Variants in DDX10 observed in about 807,000 individuals in gnomAD.
The protein encoded by DDX10 is DEAD-box helicase 10.
Under a neutral mutation model 104.3 loss-of-function variants are expected in DDX10, and 74 were observed. The ratio of observed to expected loss-of-function variants is 0.71; its 90% CI spans 0.59 to 0.86. The LOEUF (loss-of-function observed/expected upper bound fraction) is 0.86. DDX10 is among the 40% of genes least tolerant of loss of function. The pLI is 0.00. For missense variants in DDX10, 952 were observed against 1,040.0 expected, an observed-to-expected ratio of 0.92 and a Z score of 1.16; for synonymous variants, 351 against 353.4, an observed-to-expected ratio of 0.99 and a Z score of 0.08.
intron 13 of DDX10, among the ~76,000 whole-genome samples, chr11:108,741,936 A>G (rs1462945568): frequency 6.6e-6 from 1 of 152,172 alleles, no homozygotes; most frequent in Non-Finnish European, 1.5e-5. Flanking sequence ...GTAAAATTAG[A>G]GCAGAACTGA....
intron 2 of DDX10, among the ~76,000 whole-genome samples, chr11:108,673,990 C>T (rs984795408): frequency 2.6e-5 from 4 of 152,174 alleles, no homozygotes; most frequent in African/African-American, 7.2e-5. Flanking sequence ...TTGTGGATGG[C>T]TGCCCTCTTG....
intron 13 of DDX10, among the ~76,000 whole-genome samples, chr11:108,729,001 A>G (rs2094308681): frequency 6.6e-6 from 1 of 152,146 alleles, no homozygotes; most frequent in South Asian, 2.1e-4. Context: ...AAAGAGTTCT[A>G]CTAATTGGCA....
At chr11:108,896,509 C>T (rs932957422) in intron 16 of DDX10, among the ~76,000 whole-genome samples, 2 of 152,126 alleles carry the variant, frequency 1.3e-5, no homozygotes, top group African/African-American at 2.4e-5. Context: ...TCCTTTAGCT[C>T]AGGATGCTAA....
At chr11:108,714,019 A>T (rs1224983859) in intron 10 of DDX10, among the ~76,000 whole-genome samples, 1 of 152,186 alleles carries the variant, frequency 6.6e-6, no homozygotes, top group Non-Finnish European at 1.5e-5. Context: ...CTTGACTTTC[A>T]TTAACAAGGC....
chr11:108,790,284 C>T (rs866179751), intron 13 of DDX10, among the ~76,000 whole-genome samples: 1 of 152,126 alleles, frequency 6.6e-6, no homozygotes, highest in Non-Finnish European at 1.5e-5. Context: ...TACCCCCTCA[C>T]TTTAGAGGCA....
intron 16 of DDX10, among the ~76,000 whole-genome samples, chr11:108,871,514 A>G (rs1252838452): frequency 6.6e-6 from 1 of 152,196 alleles, no homozygotes; most frequent in Non-Finnish European, 1.5e-5. Context: ...AAAGAAAGAA[A>G]TATCTTTTCC....
At chr11:108,877,597 C>CATG (rs1168605941) in intron 16 of DDX10, among the ~76,000 whole-genome samples, 6 of 152,158 alleles carry the variant, frequency 3.9e-5, no homozygotes, top group Admixed American at 6.5e-5. Flanking sequence ...GTCGGTTATG[C>CATG]ATGATGGATT....
Position 108,806,672 on chromosome 11 carries a change from A to G in DDX10, c.1966-31774A>G, listed in dbSNP as rs147932628. ...GGAGGATCCTTTAAATGTGGTGGCC[A>G]GCAAGGGCCTCTCTCAGAGGGCGCG... On this transcript the variant is annotated intron_variant, in intron 13 of 17. Coordinates refer to ENST00000322536, the MANE Select transcript of DDX10 (RefSeq NM_004398.4). Among the ~76,000 whole-genome samples the G allele has an allele frequency of 7.2e-5, 11 of 152,330 alleles. 1 individual carries two copies. The highest frequency in any genetic ancestry group is 2.6e-4 in the African/African-American group (11 of 41,566).
At chr11:108,935,027 A>C (rs1864020003) in intron 17 of DDX10, among the ~76,000 whole-genome samples, 1 of 152,094 alleles carries the variant, frequency 6.6e-6, no homozygotes, top group African/African-American at 2.4e-5. Context: ...AACAACCCTA[A>C]CCGTCATTAT....
At chr11:108,870,252 G>A (rs1863062761) in intron 16 of DDX10, among the ~76,000 whole-genome samples, 1 of 152,144 alleles carries the variant, frequency 6.6e-6, no homozygotes, top group Non-Finnish European at 1.5e-5. Context: ...AATTGTAACA[G>A]TCTTCTAACT....
chr11:108,676,641 T>C (rs7948491), intron 3 of DDX10, among the ~76,000 whole-genome samples: 3,264 of 152,266 alleles, frequency 0.021, 114 homozygotes, highest in African/African-American at 0.074. Context: ...AATACGGGGT[T>C]TCATCATATT....
intron 1 of DDX10, among the ~76,000 whole-genome samples, chr11:108,672,897 C>T (rs1201949563): frequency 6.6e-6 from 1 of 152,098 alleles, no homozygotes; most frequent in Non-Finnish European, 1.5e-5. Context: ...CAGACATTTC[C>T]CCTGTGTTGA....
rs1555040216 is a variant in DDX10, at chr11:108,911,553, CTTCTTTTT to C, written c.2305-6317_2305-6310del. The stretch of plus-strand genomic sequence containing the variant: ...CCAGTTCCCAAAAGCTTTGCCTCCT[CTTCTTTTT>C]TTTTTTTTTTTTTTTTTTTTTTTTT... On this transcript the variant is annotated intron_variant, in intron 16 of 17. Transcript: ENST00000322536. Among the ~76,000 whole-genome samples, 874 of 117,214 alleles carry C rather than the reference CTTCTTTTT, an allele frequency of 7.5e-3. 34 individuals carry two copies. The highest frequency in any genetic ancestry group is 0.011 in the Non-Finnish European group (626 of 58,642). 76.9% of individuals were successfully genotyped at this position (117,214 alleles called of 152,430 possible).
chr11:108,718,374 A>G (rs2094294128), intron 11 of DDX10, among the ~76,000 whole-genome samples: 1 of 152,144 alleles, frequency 6.6e-6, no homozygotes, highest in African/African-American at 2.4e-5. Flanking sequence ...CTTTGAACAA[A>G]TGGTTAATAT....
intron 15 of DDX10, among the ~76,000 whole-genome samples, chr11:108,848,658 C>G (rs1862751130): frequency 6.6e-6 from 1 of 152,092 alleles, no homozygotes; most frequent in Non-Finnish European, 1.5e-5. Context: ...TTTGGGCTCT[C>G]TTTATATCCA....
rs777973564 is a variant in DDX10 at position 108,677,129 on chromosome 11, G to T, written c.423G>T (p.Gly141=). The T allele has an allele frequency of 5.6e-6, 9 of 1,613,658 alleles. No homozygotes were observed. In the South Asian group the frequency reaches 6.6e-5, roughly 12 times the overall value. ...GTCTGCAATGGACTTCAACAGATGGGCTGGGGGTTCTCATAATATCACCTA... is the reference window on the plus strand; with the variant it reads ...GTCTGCAATGGACTTCAACAGATGGTCTGGGGGTTCTCATAATATCACCTA... ...LYRLQWTSTD[G]LGVLIISPTR... The change falls in exon 4 of 18, where the codon GGG becomes GGT. Residue 141 remains glycine, a synonymous_variant. Coordinates refer to ENST00000322536, the MANE Select transcript of DDX10 (RefSeq NM_004398.4).
intron 13 of DDX10, among the ~76,000 whole-genome samples, chr11:108,742,285 A>AT (rs1457444204): frequency 1.3e-5 from 2 of 150,134 alleles, no homozygotes; most frequent in Non-Finnish European, 3.0e-5. Context: ...CAAAAAAAAA[A>AT]CCCTGGGCAT....
Position 108,912,008 on chromosome 11 carries a change from A to G in DDX10, c.2305-5865A>G, listed in dbSNP as rs563579469. Among the ~76,000 whole-genome samples, 15 of 152,246 alleles carry G rather than the reference A, an allele frequency of 9.9e-5. No individual in the cohort carries two copies. The East Asian group carries it at 2.9e-3, about 29-fold the overall frequency. ...GATGTGTACGACTAAGCTTCTGTGT[A>G]TATTCTCTTAAATATATTATGTACC... On this transcript the variant is annotated intron_variant, in intron 16 of 17. Coordinates refer to ENST00000322536, the MANE Select transcript of DDX10 (RefSeq NM_004398.4).
At chr11:108,736,087 A>G (rs1483362611) in intron 13 of DDX10, among the ~76,000 whole-genome samples, 2 of 152,014 alleles carry the variant, frequency 1.3e-5, no homozygotes, top group Non-Finnish European at 2.9e-5. Context: ...ATCACAAACC[A>G]ATGACTTTGT....
Sources: gnomAD v4.1 joint callset for allele counts (sites outside exome capture counted in the v4.1 genomes callset) on GRCh38, gnomAD v4.1.1 for gene constraint, MANE v1.5 for transcripts, NCBI Gene and HGNC (gene_info 2026-07-23, HGNC 2026-07-21) for gene names.